The following TRPC1 variants were observed in gnomAD, a reference collection of about 807,000 sequenced individuals.
The protein encoded by TRPC1 is short transient receptor potential channel 1.
A neutral mutation model predicts 88.2 loss-of-function variants in TRPC1; 42 were observed. The observed-to-expected ratio is 0.48, with a 90% CI of 0.37 to 0.62. TRPC1 has a LOEUF of 0.62. TRPC1 is among the 20% of genes least tolerant of loss of function. TRPC1 has a pLI of 0.00. For synonymous variants in TRPC1, 288 were observed against 331.8 expected, an observed-to-expected ratio of 0.87 and a Z score of 1.43; for missense variants, 699 against 957.3, an observed-to-expected ratio of 0.73 and a Z score of 3.56.
rs1008974297 is a variant in TRPC1 at position 142,779,861 on chromosome 3, A to ATT, written c.765-953_765-952dup. On this transcript the variant is annotated intron_variant, in intron 5 of 12. Transcript: ENST00000476941. ...CTTAGACATAAAGTTAATGTAATTGATTTTTTTTTTTTTTTTTTTTTGGAG... is the reference window on the plus strand; with the variant it reads ...CTTAGACATAAAGTTAATGTAATTGATTTTTTTTTTTTTTTTTTTTTTTGGAG... 3.3e-3 allele frequency among the ~76,000 whole-genome samples: 415 copies of ATT among 125,392 alleles called. 8 individuals carry two copies. Among genetic ancestry groups the ATT allele is most frequent in the African/African-American group, 0.011 (363 of 32,682 alleles). The allele number at this position is 125,392 out of a possible 152,430, so 82.3% of individuals were successfully genotyped here.
At chr3:142,795,037 T>C (rs1169703785) in intron 9 of TRPC1, among the ~76,000 whole-genome samples, 3 of 152,020 alleles carry the variant, frequency 2.0e-5, no homozygotes, top group African/African-American at 7.2e-5. Context: ...AAACACCAAA[T>C]TAAACTTTCA....
chr3:142,744,464 A>T (rs1254598638), intron 3 of TRPC1, among the ~76,000 whole-genome samples: 8 of 152,180 alleles, frequency 5.3e-5, no homozygotes, highest in African/African-American at 1.9e-4. Context: ...AGTAATTTTT[A>T]AAAGCCCATG....
chr3:142,753,097 A>T (rs1934835319), intron 4 of TRPC1, among the ~76,000 whole-genome samples: 1 of 152,156 alleles, frequency 6.6e-6, no homozygotes, highest in Non-Finnish European at 1.5e-5. Context: ...TATTTTTCAA[A>T]TTATATGCTT....
At chr3:142,762,401 G>A (rs1053586721) in intron 4 of TRPC1, among the ~76,000 whole-genome samples, 1 of 144,318 alleles carries the variant, frequency 6.9e-6, no homozygotes, top group Admixed American at 7.0e-5. Flanking sequence ...CTCTTCTTCT[G>A]CTAATTTTCG....
intron 2 of TRPC1, among the ~76,000 whole-genome samples, chr3:142,737,609 A>G (rs1333584433): frequency 6.6e-6 from 1 of 152,064 alleles, no homozygotes; most frequent in East Asian, 1.9e-4. Context: ...TTAATTTCTA[A>G]TCCATAGAGA....
chr3:142,745,170 A>G (rs1280371155), intron 3 of TRPC1, among the ~76,000 whole-genome samples: 1 of 149,390 alleles, frequency 6.7e-6, no homozygotes, highest in Non-Finnish European at 1.5e-5. Flanking sequence ...CCAAAGCATC[A>G]GAAATATCTA....
In TRPC1 at chr3:142,736,361, T is replaced by C; in HGVS notation, c.173-18T>C. ...ATATGTCACGGATATTAAATTATGT[T>C]TGTATATTGTTATTTAGGTGACTAT... On this transcript the variant is annotated intron_variant, in intron 1 of 12. Transcript: ENST00000476941. 1 of 1,542,322 alleles carries C rather than the reference T, an allele frequency of 6.5e-7. No individual in the cohort carries two copies. The highest frequency in any genetic ancestry group is 1.3e-5 in the South Asian group (1 of 79,538).
At chr3:142,733,160 A>G (rs1303358003) in intron 1 of TRPC1, among the ~76,000 whole-genome samples, 1 of 152,080 alleles carries the variant, frequency 6.6e-6, no homozygotes, top group Non-Finnish European at 1.5e-5. Context: ...TTTGGTTTTG[A>G]TTTTTAGGGA....
At chr3:142,743,003 A>G (rs770945633) in intron 2 of TRPC1, among the ~76,000 whole-genome samples, 4 of 152,204 alleles carry the variant, frequency 2.6e-5, no homozygotes, top group African/African-American at 9.7e-5. Context: ...AAATGAGAAC[A>G]GAAGGCTCTC....
intron 2 of TRPC1, among the ~76,000 whole-genome samples, chr3:142,740,028 G>A (rs1328892697): frequency 1.3e-5 from 2 of 152,204 alleles, no homozygotes; most frequent in South Asian, 2.1e-4. Flanking sequence ...GAACCCTATT[G>A]TGAACTGCAC....
intron 9 of TRPC1, chr3:142,793,817 G>A: frequency 1.0e-6 from 1 of 969,864 alleles, no homozygotes; most frequent in Non-Finnish European, 1.2e-6. Flanking sequence ...TAAATAAAAG[G>A]CATAATTACC....
At chr3:142,783,791 T>G in intron 6 of TRPC1, among the ~76,000 whole-genome samples, 1 of 152,206 alleles carries the variant, frequency 6.6e-6, no homozygotes, top group East Asian at 1.9e-4. Flanking sequence ...GACCAAATAT[T>G]ATTGTGGATT....
intron 9 of TRPC1, among the ~76,000 whole-genome samples, chr3:142,797,447 CA>C (rs1380560156): frequency 2.0e-5 from 3 of 152,054 alleles, no homozygotes; most frequent in Non-Finnish European, 2.9e-5. Flanking sequence ...TGGTGATGAG[CA>C]AATCAGACCA....
At chr3:142,805,159 C>T (rs1936756497) in intron 12 of TRPC1, among the ~76,000 whole-genome samples, 2 of 148,638 alleles carry the variant, frequency 1.3e-5, no homozygotes, top group African/African-American at 5.2e-5. Context: ...CACACACACA[C>T]ACACACACAC....
chr3:142,726,467 G>T (rs765042846), intron 1 of TRPC1, among the ~76,000 whole-genome samples: 4 of 152,076 alleles, frequency 2.6e-5, no homozygotes, highest in Admixed American at 6.6e-5. Flanking sequence ...TAATTGAGAT[G>T]AGAGACTTGG....
intron 4 of TRPC1, among the ~76,000 whole-genome samples, chr3:142,761,118 A>C (rs2108073929): frequency 6.6e-6 from 1 of 152,170 alleles, no homozygotes; most frequent in South Asian, 2.1e-4. Flanking sequence ...AGGACTTCCA[A>C]TATTATGTTG....
At chr3:142,725,645 A>G (rs1349942255) in intron 1 of TRPC1, among the ~76,000 whole-genome samples, 2 of 152,118 alleles carry the variant, frequency 1.3e-5, no homozygotes, top group African/African-American at 2.4e-5. Flanking sequence ...GGAAACACTA[A>G]AATTTTTCTT....
In TRPC1 at chr3:142,784,760, G is replaced by A; in HGVS notation, c.1017G>A (p.Met339Ile). ...TGAACACTGTTTGGTTTGGACAGATGTCGGGTTACCGACGCAAGCCCACCT... is the reference window on the plus strand; with the variant it reads ...TGAACACTGTTTGGTTTGGACAGATATCGGGTTACCGACGCAAGCCCACCT... Reference protein sequence around the residue: ...QFLNTVWFGQMSGYRRKPTCK... With the variant: ...QFLNTVWFGQISGYRRKPTCK... Residue 339 changes from methionine to isoleucine, a missense_variant, in exon 7 of 13, where the codon ATG (methionine) becomes ATA (isoleucine). Met to Ile is a conservative substitution (Grantham distance 10). This residue lies in a region of TRPC1 where 426 missense variants were observed against 641.3 expected (regional missense o/e 0.66). Coordinates refer to ENST00000476941, the MANE Select transcript of TRPC1 (RefSeq NM_001251845.2). The A allele has an allele frequency of 6.2e-7, 1 of 1,614,104 alleles. No individual in the cohort carries two copies. Among genetic ancestry groups the A allele is most frequent in the Non-Finnish European group, 8.5e-7 (1 of 1,180,002 alleles).
At chr3:142,760,339 A>G (rs1285069893) in intron 4 of TRPC1, among the ~76,000 whole-genome samples, 2 of 152,308 alleles carry the variant, frequency 1.3e-5, no homozygotes, top group East Asian at 1.9e-4. Context: ...TAAAAAGACT[A>G]TCCTTTCCCC....
Sources: allele counts gnomAD v4.1 joint callset (sites outside exome capture counted in the v4.1 genomes callset), GRCh38; gene constraint gnomAD v4.1.1; regional missense constraint gnomAD v4.1.1; transcripts MANE v1.5; gene names NCBI Gene and HGNC (gene_info 2026-07-23, HGNC 2026-07-21).